AHR: variants seen among roughly 807,000 people sequenced by gnomAD.
AHR encodes the protein AH-receptor.
In AHR, 40 loss-of-function variants were observed where a neutral mutation model predicts 86.8. That is an observed-to-expected ratio of 0.46 (90% CI 0.36 to 0.60). The LOEUF is 0.60. Ranked by LOEUF, AHR falls within the 20% of genes least tolerant of loss-of-function variation. AHR has a pLI of 0.00. For synonymous variants in AHR, 398 were observed against 354.9 expected (o/e 1.12, Z -1.37); for missense variants, 1,001 against 1,011.6 (o/e 0.99, Z 0.14).
At chr7:17,329,055 A>T (rs1171035203) in intron 4 of AHR, among the ~76,000 whole-genome samples, 2 of 151,972 alleles carry the variant, frequency 1.3e-5, no homozygotes, top group Non-Finnish European at 2.9e-5. Context: ...CAGAGAGATT[A>T]GCCATTTTCC....
intron 1 of AHR, among the ~76,000 whole-genome samples, chr7:17,308,056 T>C (rs1782023755): frequency 6.6e-6 from 1 of 152,070 alleles, no homozygotes; most frequent in Admixed American, 6.6e-5. Flanking sequence ...GCCCTAAAAG[T>C]TATATGTTTA....
rs756932231 is a variant in AHR at position 17,339,602 on chromosome 7, C to G, written c.1777C>G (p.Pro593Ala). 5.0e-6 allele frequency: 8 copies of G among 1,614,014 alleles called. No individual in the cohort carries two copies. Among genetic ancestry groups the G allele is most frequent in the Non-Finnish European group, 6.8e-6 (8 of 1,180,044 alleles). ...TGTCCAAGATTCTTTAAGTAAGTCT[C>G]CCTTCATACCTTCAGATTATCAACA... ...TYVQDSLSKS[P>A]FIPSDYQQQQ... Residue 593 changes from proline (P) to alanine (A), a missense_variant, in exon 10 of 11, where the codon CCC becomes GCC. Around this residue, in one of 2 missense-constraint regions of AHR, gnomAD observed 607 missense variants for 543.1 expected, o/e 1.12. Transcript: ENST00000242057.
intron 9 of AHR, among the ~76,000 whole-genome samples, chr7:17,336,670 A>G (rs1054964597): frequency 3.3e-5 from 5 of 152,218 alleles, no homozygotes; most frequent in African/African-American, 4.8e-5. Context: ...GCCCATGAAC[A>G]TGATGAATGT....
rs1489297861 is a variant in AHR, at chr7:17,327,776, A to G, written c.378A>G (p.Val126=). ...CCTTGTAGGCTCTGAATGGCTTTGTATTAGTTGTCACTACAGATGCTTTGG... is the reference window on the plus strand; with the variant it reads ...CCTTGTAGGCTCTGAATGGCTTTGTGTTAGTTGTCACTACAGATGCTTTGG... ...EFLLQALNGF[V]LVVTTDALVF... is the part of the protein sequence containing the mutation. Residue 126 remains valine (V), a synonymous_variant, in exon 4 of 11, where the codon GTA becomes GTG. Transcript: ENST00000242057. 1 of 1,573,156 alleles carries G rather than the reference A, an allele frequency of 6.4e-7. No individual in the cohort carries two copies. Among genetic ancestry groups the G allele is most frequent in the Non-Finnish European group, 8.7e-7 (1 of 1,153,858 alleles).
rs754340852 is a variant in AHR, at chr7:17,339,442, G to T, written c.1617G>T (p.Leu539Phe). 4 of 1,614,146 alleles carry T rather than the reference G, an allele frequency of 2.5e-6. No homozygotes were observed. In the Admixed American group the frequency reaches 5.0e-5, roughly 20 times the overall value. ...GLFQDSKNSD[L>F]YSIMKNLGID... is the part of the protein sequence containing the mutation. Reference sequence around the variant, plus strand: ...TTCAAGATAGTAAAAACAGTGACTTGTACAGCATAATGAAAAACCTAGGCA... The same window carrying T: ...TTCAAGATAGTAAAAACAGTGACTTTTACAGCATAATGAAAAACCTAGGCA... The change falls in exon 10 of 11, where the codon TTG (leucine) becomes TTT (phenylalanine). Residue 539 changes from leucine (L) to phenylalanine (F), a missense_variant. Around this residue, in one of 2 missense-constraint regions of AHR, gnomAD observed 607 missense variants for 543.1 expected, o/e 1.12. Coordinates refer to ENST00000242057, the MANE Select transcript of AHR (RefSeq NM_001621.5).
intron 2 of AHR, among the ~76,000 whole-genome samples, chr7:17,316,255 G>A (rs1382283500): frequency 6.6e-6 from 1 of 152,148 alleles, no homozygotes; most frequent in Non-Finnish European, 1.5e-5. Context: ...CACTAGAGAA[G>A]GTGATTTCTG....
chr7:17,327,413 A>T (rs572643181), intron 3 of AHR, among the ~76,000 whole-genome samples: 3 of 151,724 alleles, frequency 2.0e-5, no homozygotes, highest in East Asian at 1.9e-4. Flanking sequence ...GTTTCCCTCT[A>T]AAAAAAAGCA....
In AHR at chr7:17,330,031, C is replaced by T; in HGVS notation, c.530C>T (p.Ala177Val). 1 of 1,611,138 alleles carries T rather than the reference C, an allele frequency of 6.2e-7. No homozygotes were observed. Among genetic ancestry groups the T allele is most frequent in the Non-Finnish European group, 8.5e-7 (1 of 1,177,820 alleles). The change falls in exon 5 of 11, where the codon GCA becomes GTA. Residue 177 changes from alanine (A) to valine (V), a missense_variant. Physicochemically the swap from Ala to Val is moderately conservative, Grantham distance 64. Transcript: ENST00000242057. The stretch of plus-strand genomic sequence containing the variant: ...GAATTTCAGCGTCAGCTACACTGGG[C>T]ATTAAATCCTTCTCAGTGTACAGAG... ...RAEFQRQLHW[A>V]LNPSQCTESG...
rs533061467 is a variant in AHR at position 17,341,843 on chromosome 7, A to G, written c.2404-1078A>G. Reference sequence around the variant, plus strand: ...AATTTAAGTTCTGTATGTGGCTCACATTATATTTCTATTGGATTACACTGC... The same window carrying G: ...AATTTAAGTTCTGTATGTGGCTCACGTTATATTTCTATTGGATTACACTGC... On this transcript the variant is annotated intron_variant, in intron 10 of 10. Transcript: ENST00000242057. 4.6e-5 allele frequency among the ~76,000 whole-genome samples: 7 copies of G among 152,294 alleles called. No individual in the cohort carries two copies. The South Asian group carries it at 1.2e-3, about 27-fold the overall frequency.
intron 1 of AHR, among the ~76,000 whole-genome samples, chr7:17,306,286 C>G (rs549944910): frequency 6.6e-6 from 1 of 152,260 alleles, no homozygotes; most frequent in South Asian, 2.1e-4. Flanking sequence ...TTCTGTATAT[C>G]TTCAAGATGT....
chr7:17,299,703 G>T (rs887091509), intron 1 of AHR, among the ~76,000 whole-genome samples: 3 of 152,144 alleles, frequency 2.0e-5, no homozygotes, highest in Non-Finnish European at 1.5e-5. Context: ...TTTCATATCC[G>T]CATGGGTTAG....
At chr7:17,309,230 C>G (rs1040535039) in intron 1 of AHR, among the ~76,000 whole-genome samples, 1 of 152,086 alleles carries the variant, frequency 6.6e-6, no homozygotes, top group South Asian at 2.1e-4. Context: ...ACACAAGCTA[C>G]GAAAGCTAAT....
At chr7:17,330,207 T>C (rs1438000346) in intron 5 of AHR, 132 bp downstream of exon 5, 1 of 864,358 alleles carries the variant, frequency 1.2e-6, no homozygotes, top group Middle Eastern at 2.7e-4. Flanking sequence ...TCTGCAATCA[T>C]AGGCCACAGC....
At position 17,343,058 on chromosome 7, in the gene AHR, C is replaced by A. The variant is rs1345341466; in HGVS notation, c.2541C>A (p.Phe847Leu). 6.2e-7 allele frequency: 1 copy of A among 1,613,494 alleles called. No homozygotes were observed. Among genetic ancestry groups the A allele is most frequent in the East Asian group, 2.2e-5 (1 of 44,872 alleles). The change falls in exon 11 of 11, where the codon TTC becomes TTA. Residue 847 changes from phenylalanine (F) to leucine (L), a missense_variant. Coordinates refer to ENST00000242057, the MANE Select transcript of AHR (RefSeq NM_001621.5). ...TTCCTGATTTGACATCCAGTGGATT[C>A]CTGTAATTCCAAGCCCAATTTTGAC... is the stretch of plus-strand genomic sequence containing the variant. ...RPFPDLTSSG[F>L]L is the part of the protein sequence containing the mutation.
intron 2 of AHR, among the ~76,000 whole-genome samples, chr7:17,317,116 G>T (rs75233970): frequency 4.7e-3 from 579 of 123,450 alleles, no homozygotes; most frequent in Middle Eastern, 0.021. Context: ...GGAGAATTTT[G>T]TTTTTTTTTT....
chr7:17,307,587 G>A (rs961601137), intron 1 of AHR, among the ~76,000 whole-genome samples: 5 of 152,150 alleles, frequency 3.3e-5, no homozygotes, highest in Non-Finnish European at 2.9e-5. Flanking sequence ...GAAGCCAGAG[G>A]GGTAAATGAA....
intron 2 of AHR, among the ~76,000 whole-genome samples, chr7:17,314,534 G>T (rs982212999): frequency 2.6e-5 from 4 of 151,898 alleles, no homozygotes; most frequent in African/African-American, 9.7e-5. Context: ...TTCATTCCCA[G>T]TTCATTAGGT....
chr7:17,337,957 C>A (rs923562999), intron 9 of AHR, among the ~76,000 whole-genome samples: 2 of 151,154 alleles, frequency 1.3e-5, no homozygotes, highest in African/African-American at 4.9e-5. Context: ...TTTAAAAATT[C>A]TATTGCCCGA....
At chr7:17,338,120 A>G (rs1782374844) in intron 9 of AHR, among the ~76,000 whole-genome samples, 3 of 148,546 alleles carry the variant, frequency 2.0e-5, no homozygotes. Context: ...AATGGCGTGA[A>G]CCCGGGAGGC....
Sources: allele counts gnomAD v4.1 joint callset (sites outside exome capture counted in the v4.1 genomes callset), GRCh38; gene constraint gnomAD v4.1.1; regional missense constraint gnomAD v4.1.1; transcripts MANE v1.5; gene names NCBI Gene and HGNC (gene_info 2026-07-23, HGNC 2026-07-21).